LRRC27: variants seen among roughly 807,000 people sequenced by gnomAD.
LRRC27 encodes leucine rich repeat containing 27.
LRRC27 carries 57 observed loss-of-function variants against 55.0 expected under a neutral mutation model. That is an observed-to-expected ratio of 1.04 (90% CI 0.84 to 1.29). The LOEUF is 1.29. Among genes scored for constraint, LRRC27 ranks in the 50% most tolerant of loss-of-function variants. The pLI, the probability that LRRC27 is intolerant of heterozygous loss-of-function variation, is 0.00. For missense variants in LRRC27, 721 were observed against 651.5 expected, an observed-to-expected ratio of 1.11 and a Z score of -1.16; for synonymous variants, 278 against 251.9, an observed-to-expected ratio of 1.10 and a Z score of -0.98.
At chr10:132,340,447 G>C (rs2067357990) in intron 3 of LRRC27, among the ~76,000 whole-genome samples, 1 of 152,128 alleles carries the variant, frequency 6.6e-6, no homozygotes, top group Non-Finnish European at 1.5e-5. Flanking sequence ...CAAAGCCCTA[G>C]CATTGGAGAA....
rs1448255960 is a variant in LRRC27, at chr10:132,374,606, G to A, written c.1417-460G>A. 6.6e-6 allele frequency among the ~76,000 whole-genome samples: 1 copy of A among 152,198 alleles called. No homozygotes were observed. The highest frequency in any genetic ancestry group is 2.4e-5 in the African/African-American group (1 of 41,442). ...GCTTCTGTGTCTGTGGGGTGGGGGT[G>A]GCAATTGTGGCCCCATCTGCTTCCC... On this transcript the variant is annotated intron_variant, in intron 10 of 10. Transcript: ENST00000368614. The surrounding 1 kb of genome is among the most constrained non-coding windows in gnomAD (Gnocchi z 4.4).
chr10:132,331,877 G>T, upstream of LRRC27: 1 of 1,216,536 alleles, frequency 8.2e-7, no homozygotes, highest in Non-Finnish European at 1.1e-6. Context: ...GCGTGCGCAG[G>T]CGCACCACCC....
At chr10:132,357,536 C>T (rs1442541556) in intron 8 of LRRC27, among the ~76,000 whole-genome samples, 1 of 152,162 alleles carries the variant, frequency 6.6e-6, no homozygotes, top group Admixed American at 6.5e-5. Flanking sequence ...TTGAAGAAAT[C>T]ACTGTAAGTT....
chr10:132,366,965 T>C, intron 10 of LRRC27: 1 of 1,275,472 alleles, frequency 7.8e-7, no homozygotes, highest in Non-Finnish European at 1.0e-6. Flanking sequence ...CCAAGGAGTT[T>C]GTATCTGCCT....
chr10:132,379,705 C>A lies in LRRC27; in HGVS notation c.*4463C>A, dbSNP rs2069387012. ...CTCCATCTTTTCATTTCCTTTATATCTCTTTTCTTCTTTTTTCTATAATAT... is the reference window on the plus strand; with the variant it reads ...CTCCATCTTTTCATTTCCTTTATATATCTTTTCTTCTTTTTTCTATAATAT... On this transcript the variant is annotated 3_prime_UTR_variant, in exon 11 of 11. Transcript: ENST00000368614. 1.3e-5 allele frequency: 2 copies of A among 152,014 alleles called. No homozygotes were observed. Among genetic ancestry groups the A allele is most frequent in the Non-Finnish European group, 2.9e-5 (2 of 68,010 alleles). The allele number at this position is 152,014 out of a possible 1,614,324, so 9.4% of individuals were successfully genotyped here.
chr10:132,347,352 G>T (rs954089405), intron 5 of LRRC27, among the ~76,000 whole-genome samples: 2 of 149,658 alleles, frequency 1.3e-5, no homozygotes, highest in South Asian at 4.3e-4. Flanking sequence ...GTCCGGTGGG[G>T]CCCGTGTGGG....
chr10:132,371,948 G>A (rs1420935440), intron 10 of LRRC27, among the ~76,000 whole-genome samples: 1 of 152,224 alleles, frequency 6.6e-6, no homozygotes, highest in East Asian at 1.9e-4. Context: ...GTGAGCCCTT[G>A]TCCTCGCACA....
upstream of LRRC27, chr10:132,331,870 TGCGCAG>T (rs1207579519): frequency 7.7e-7 from 1 of 1,299,068 alleles, no homozygotes; most frequent in Non-Finnish European, 1.1e-6. Flanking sequence ...GCCGCGTGCG[TGCGCAG>T]GCGCACCACC....
chr10:132,338,730 G>A (rs898981721), intron 3 of LRRC27, among the ~76,000 whole-genome samples: 1 of 136,368 alleles, frequency 7.3e-6, no homozygotes, highest in African/African-American at 2.8e-5. Context: ...TTTTTTTTGA[G>A]ACGGAATCTT....
intron 2 of LRRC27, chr10:132,336,897 G>T: frequency 2.9e-6 from 2 of 685,522 alleles, no homozygotes; most frequent in South Asian, 3.4e-5. Flanking sequence ...TCCACACTGT[G>T]ACTGTAAAAT....
At chr10:132,364,754 A>ACC (rs1564854859) in intron 9 of LRRC27, among the ~76,000 whole-genome samples, 21 of 98,208 alleles carry the variant, frequency 2.1e-4, no homozygotes, top group Middle Eastern at 0.015. Context: ...CCACGCCCAC[A>ACC]CTTACACTCA....
Position 132,355,805 on chromosome 10 carries a change from G to A in LRRC27, c.1089G>A (p.Leu363=). ...CTTTCTCCAGAGAGAAAAGGGCACTGCAGGAGTGGAGAGAGCGAGCCCAGA... is the reference window on the plus strand; with the variant it reads ...CTTTCTCCAGAGAGAAAAGGGCACTACAGGAGTGGAGAGAGCGAGCCCAGA... ...MEQQRREKRA[L]QEWRERAQRM... Residue 363 remains leucine (L), a synonymous_variant, in exon 8 of 11, where the codon CTG becomes CTA. Coordinates refer to ENST00000368614, the MANE Select transcript of LRRC27 (RefSeq NM_030626.3). 1 of 1,554,146 alleles carries A rather than the reference G, an allele frequency of 6.4e-7. No individual in the cohort carries two copies. Among genetic ancestry groups the A allele is most frequent in the Non-Finnish European group, 8.7e-7 (1 of 1,148,294 alleles).
intron 7 of LRRC27, chr10:132,352,958 T>C: frequency 6.2e-7 from 1 of 1,613,898 alleles, no homozygotes; most frequent in Non-Finnish European, 8.5e-7. Context: ...TGTGTTGCTG[T>C]GACTGCCGCC....
At chr10:132,334,645 C>T (rs879426204) in intron 2 of LRRC27, among the ~76,000 whole-genome samples, 6 of 152,204 alleles carry the variant, frequency 3.9e-5, no homozygotes, top group Admixed American at 2.0e-4. Flanking sequence ...GTCACGGCAG[C>T]GCTGGTCTTG....
intron 10 of LRRC27, among the ~76,000 whole-genome samples, chr10:132,371,545 T>C (rs2069217013): frequency 6.6e-6 from 1 of 152,146 alleles, no homozygotes; most frequent in South Asian, 2.1e-4. Flanking sequence ...GATGAGGAAA[T>C]GGAGAGGAGG....
At chr10:132,332,943 A>G (rs149343792) in intron 1 of LRRC27, among the ~76,000 whole-genome samples, 1 of 152,318 alleles carries the variant, frequency 6.6e-6, no homozygotes, top group East Asian at 1.9e-4. Flanking sequence ...GTGTTGCTGG[A>G]CAACGAAAAT....
intron 9 of LRRC27, among the ~76,000 whole-genome samples, chr10:132,362,669 C>T (rs1328946095): frequency 7.9e-6 from 1 of 125,880 alleles, no homozygotes; most frequent in African/African-American, 3.2e-5. Context: ...TCTCACCTCA[C>T]ACCAGCTCGG....
intron 7 of LRRC27, 69 bp downstream of exon 7, chr10:132,351,822 T>A (rs2068028753): frequency 6.6e-7 from 1 of 1,512,664 alleles, no homozygotes; most frequent in Non-Finnish European, 8.9e-7. Context: ...TGGGCTGTGA[T>A]TTTATGGCAG....
Position 132,351,826 on chromosome 10 carries a change from A to G in LRRC27, c.1073+73A>G. 3 of 1,499,646 alleles carry G rather than the reference A, an allele frequency of 2.0e-6. No homozygotes were observed. In the East Asian group the frequency reaches 6.9e-5, roughly 34 times the overall value. The allele number at this position is 1,499,646 out of a possible 1,614,324, so 92.9% of individuals were successfully genotyped here. A position where few individuals can be genotyped will look rare whatever the true frequency, so the allele number is the denominator to read the frequency against. On this transcript the variant is annotated intron_variant, in intron 7 of 10. Coordinates refer to ENST00000368614, the MANE Select transcript of LRRC27 (RefSeq NM_030626.3). ...GGAACTGGGACTGGGCTGTGATTTT[A>G]TGGCAGGCCTCGTGGAAGTGTTTAG... is the stretch of plus-strand genomic sequence containing the variant.
Sources: allele counts gnomAD v4.1 joint callset (sites outside exome capture counted in the v4.1 genomes callset), GRCh38; gene constraint gnomAD v4.1.1; non-coding constraint Gnocchi (gnomAD v3.1); transcripts MANE v1.5; gene names NCBI Gene and HGNC (gene_info 2026-07-23, HGNC 2026-07-21).